Variants in ABCB4 observed in about 807,000 individuals in gnomAD.
ABCB4 encodes the protein ATP binding cassette subfamily B member 4.
Under a neutral mutation model 145.7 loss-of-function variants are expected in ABCB4, and 76 were observed. The ratio of observed to expected loss-of-function variants is 0.52; its 90% CI spans 0.43 to 0.63. The LOEUF is 0.63. ABCB4 is among the 30% of genes least tolerant of loss of function. ABCB4 has a pLI of 0.00. For missense variants in ABCB4, 1,234 were observed against 1,553.1 expected (o/e 0.79, Z 3.45); for synonymous variants, 517 against 566.8 (o/e 0.91, Z 1.25).
Position 87,426,743 on chromosome 7 carries a change from A to C in ABCB4, c.2064+7T>G, listed in dbSNP as rs748824237. On this transcript the variant is annotated splice_region_variant and intron_variant, in intron 16 of 27. Coordinates refer to ENST00000649586, the MANE Select transcript of ABCB4 (RefSeq NM_000443.4). Reference sequence around the variant, plus strand: ...AAAAGACTTAATTTAAGTGAAAAACAACTTACAAGTCCATCGGTTTCCACA... The same window carrying C: ...AAAAGACTTAATTTAAGTGAAAAACCACTTACAAGTCCATCGGTTTCCACA... The C allele has an allele frequency of 6.2e-7, 1 of 1,613,316 alleles. No individual in the cohort carries two copies. Among genetic ancestry groups the C allele is most frequent in the South Asian group, 1.1e-5 (1 of 91,056 alleles).
intron 8 of ABCB4, among the ~76,000 whole-genome samples, chr7:87,448,891 A>G (rs995068909): frequency 1.3e-5 from 2 of 152,242 alleles, no homozygotes; most frequent in Non-Finnish European, 2.9e-5. Context: ...AGTTGTGAGT[A>G]TCAAGAGTCC....
intron 8 of ABCB4, among the ~76,000 whole-genome samples, chr7:87,448,868 T>C (rs575231257): frequency 6.6e-6 from 1 of 152,248 alleles, no homozygotes; most frequent in East Asian, 1.9e-4. Flanking sequence ...TCCAGAGAAT[T>C]TTTATATCCA....
At chr7:87,454,487 T>C (rs751834002) in intron 5 of ABCB4, 48 bp downstream of exon 5, 1 of 1,378,152 alleles carries the variant, frequency 7.3e-7, no homozygotes, top group Non-Finnish European at 1.0e-6. Flanking sequence ...TAATTGGAAA[T>C]TATCTTCAAA....
the ABCB4 span, among the ~76,000 whole-genome samples, chr7:87,373,545 TA>T: frequency 1.2e-4 from 19 of 152,112 alleles, no homozygotes; most frequent in African/African-American, 3.1e-4. Context: ...AAGATCTTTT[TA>T]AAAAAAATTG....
At chr7:87,368,496 C>T in the ABCB4 span, among the ~76,000 whole-genome samples, 1 of 152,060 alleles carries the variant, frequency 6.6e-6, no homozygotes, top group Non-Finnish European at 1.5e-5. Context: ...ATCTCATCCC[C>T]TAGGTCTTGA....
At chr7:87,442,910 C>T (rs17149601) in intron 12 of ABCB4, among the ~76,000 whole-genome samples, 17,333 of 152,208 alleles carry the variant, frequency 0.11, 1,296 homozygotes, top group African/African-American at 0.21. Context: ...TTTAAGAAAA[C>T]TCAACTGTCT....
the ABCB4 span, among the ~76,000 whole-genome samples, chr7:87,389,681 T>C: frequency 1.3e-5 from 2 of 152,150 alleles, no homozygotes; most frequent in Non-Finnish European, 2.9e-5. Flanking sequence ...AGATGATGGG[T>C]TGATGGGTGC....
chr7:87,471,636 C>A (rs1256055355), intron 3 of ABCB4, among the ~76,000 whole-genome samples: 3 of 152,188 alleles, frequency 2.0e-5, no homozygotes, highest in Non-Finnish European at 4.4e-5. Flanking sequence ...TGACATGACA[C>A]TTAATTCTAA....
intron 8 of ABCB4, chr7:87,448,680 A>G (rs4148822): frequency 0.063 from 9,666 of 152,370 alleles, 401 homozygotes; most frequent in East Asian, 0.2. Flanking sequence ...CTGAGGTCCA[A>G]CTGAGGGTTA....
At chr7:87,467,281 C>A (rs1240116870) in intron 3 of ABCB4, among the ~76,000 whole-genome samples, 1 of 152,104 alleles carries the variant, frequency 6.6e-6, no homozygotes, top group Non-Finnish European at 1.5e-5. Context: ...TTTAAACCAA[C>A]AAAGATCAAA....
intron 1 of ABCB4, 66 bp from the exon 2 acceptor site, chr7:87,475,537 G>C: frequency 6.6e-7 from 1 of 1,523,024 alleles, no homozygotes; most frequent in Non-Finnish European, 9.0e-7. Flanking sequence ...ACGAGTCGCG[G>C]GGCCCGGGGG....
chr7:87,384,837 T>A, the ABCB4 span, among the ~76,000 whole-genome samples: 1 of 152,240 alleles, frequency 6.6e-6, no homozygotes, highest in Admixed American at 6.5e-5. Context: ...AGTAGTTTTA[T>A]AGTTTCAGGT....
chr7:87,390,287 A>T, the ABCB4 span, among the ~76,000 whole-genome samples: 1 of 152,186 alleles, frequency 6.6e-6, no homozygotes, highest in African/African-American at 2.4e-5. Context: ...GCCAGCATCT[A>T]TTATAAAAAG....
chr7:87,375,500 G>T, the ABCB4 span: 1 of 585,810 alleles, frequency 1.7e-6, no homozygotes, highest in Non-Finnish European at 3.0e-6. Context: ...GAAATCTATT[G>T]GCATCATAAG....
At position 87,413,536 on chromosome 7, in the gene ABCB4, G is replaced by A. The variant is rs1808768060; in HGVS notation, c.2783+81C>T. The stretch of plus-strand genomic sequence containing the variant: ...AGTCATATCATTGTTTGGAGCAGCA[G>A]AGCTTTTATTATCTTTTTGGGACAA... On this transcript the variant is annotated intron_variant, in intron 22 of 27. Transcript: ENST00000649586. 3 of 928,822 alleles carry A rather than the reference G, an allele frequency of 3.2e-6. No homozygotes were observed. The South Asian group carries it at 3.9e-5, about 12-fold the overall frequency. The allele number at this position is 928,822 out of a possible 1,614,324, so 57.5% of individuals were successfully genotyped here. A position where few individuals can be genotyped will look rare whatever the true frequency, so the allele number is the denominator to read the frequency against.
At chr7:87,377,920 A>G in the ABCB4 span, among the ~76,000 whole-genome samples, 27 of 152,314 alleles carry the variant, frequency 1.8e-4, no homozygotes, top group African/African-American at 6.0e-4. Flanking sequence ...TACCATTTTG[A>G]CCATTTTCAT....
chr7:87,439,391 G>C (rs570005386), intron 14 of ABCB4, among the ~76,000 whole-genome samples: 1 of 152,272 alleles, frequency 6.6e-6, no homozygotes, highest in South Asian at 2.1e-4. Context: ...GTCAAAAGTA[G>C]TCTTGCAATA....
At chr7:87,412,930 A>C (rs1452408993) in intron 22 of ABCB4, among the ~76,000 whole-genome samples, 2 of 152,258 alleles carry the variant, frequency 1.3e-5, no homozygotes, top group South Asian at 4.1e-4. Flanking sequence ...TATCATATGA[A>C]GTGTGCATAA....
the ABCB4 span, chr7:87,393,100 A>T: frequency 6.2e-7 from 1 of 1,601,802 alleles, no homozygotes; most frequent in African/African-American, 1.4e-5. Context: ...TTTCTGTGCT[A>T]TAGAGTAGGA....
Sources: gnomAD v4.1 joint callset for allele counts (sites outside exome capture counted in the v4.1 genomes callset) on GRCh38, gnomAD v4.1.1 for gene constraint, MANE v1.5 for transcripts, NCBI Gene and HGNC (gene_info 2026-07-23, HGNC 2026-07-21) for gene names.